PTPN13: variants seen among roughly 807,000 people sequenced by gnomAD.
The protein encoded by PTPN13 is protein tyrosine phosphatase non-receptor type 13, also known as tyrosine-protein phosphatase non-receptor type 13.
A neutral mutation model predicts 284.0 loss-of-function variants in PTPN13; 191 were observed. The observed-to-expected ratio is 0.67, with a 90% confidence interval of 0.60 to 0.76. PTPN13 has a LOEUF of 0.76. Ranked by LOEUF, PTPN13 falls within the 30% of genes least tolerant of loss-of-function variation. The pLI is 0.00. For missense variants in PTPN13, 2,797 were observed against 2,939.9 expected, an observed-to-expected ratio of 0.95 and a Z score of 1.12; for synonymous variants, 986 against 1,022.3, an observed-to-expected ratio of 0.96 and a Z score of 0.68.
At chr4:86,628,484 T>C (rs906910441) in intron 1 of PTPN13, among the ~76,000 whole-genome samples, 2 of 127,700 alleles carry the variant, frequency 1.6e-5, no homozygotes, top group African/African-American at 5.9e-5. Context: ...CCTTAGTTTG[T>C]GGTTCATTTT....
intron 1 of PTPN13, among the ~76,000 whole-genome samples, chr4:86,629,089 T>G (rs1263050967): frequency 6.6e-6 from 1 of 151,006 alleles, no homozygotes. Context: ...AAGCCAAAAT[T>G]GACAAATGGG....
At chr4:86,688,675 A>G (rs1335995490) in intron 4 of PTPN13, among the ~76,000 whole-genome samples, 1 of 152,060 alleles carries the variant, frequency 6.6e-6, no homozygotes, top group East Asian at 1.9e-4. Context: ...AATGGTGTGT[A>G]TGTTTGTGTG....
rs1737461040 is a variant in PTPN13 at position 86,752,110 on chromosome 4, A to G, written c.3167-899A>G. Among the ~76,000 whole-genome samples, 7 of 152,196 alleles carry G rather than the reference A, an allele frequency of 4.6e-5. No homozygotes were observed. In the South Asian group the frequency reaches 1.4e-3, roughly 31 times the overall value. On this transcript the variant is annotated intron_variant, in intron 19 of 47. Transcript: ENST00000411767. ...TTGAAAAGAATGGATGTTTAAGCAC[A>G]GAGATCTGAACTACTACTCAAAATA...
intron 7 of PTPN13, among the ~76,000 whole-genome samples, chr4:86,710,078 C>A (rs1197753815): frequency 6.6e-6 from 1 of 152,096 alleles, no homozygotes; most frequent in Admixed American, 6.6e-5. Context: ...TCGCTAATCT[C>A]CCAAAATTAT....
chr4:86,735,049 A>G (rs894661872), intron 14 of PTPN13, among the ~76,000 whole-genome samples, 174 bp downstream of exon 14: 2 of 151,160 alleles, frequency 1.3e-5, no homozygotes, highest in African/African-American at 4.8e-5. Flanking sequence ...TAAAATCATG[A>G]AGTGTGGGAT....
intron 23 of PTPN13, 89 bp downstream of exon 23, chr4:86,759,162 G>A (rs1738372194): frequency 2.2e-6 from 3 of 1,393,344 alleles, no homozygotes; most frequent in Admixed American, 4.7e-5. Context: ...TGGATTCATT[G>A]TGTACAAAAT....
intron 7 of PTPN13, among the ~76,000 whole-genome samples, chr4:86,707,692 C>T (rs1252659055): frequency 6.6e-6 from 1 of 151,826 alleles, no homozygotes; most frequent in African/African-American, 2.4e-5. Flanking sequence ...TTCTTTACTT[C>T]CCTTTGAATA....
intron 40 of PTPN13, among the ~76,000 whole-genome samples, chr4:86,796,010 C>T (rs1041520447): frequency 1.1e-4 from 16 of 152,096 alleles, no homozygotes; most frequent in African/African-American, 3.6e-4. Context: ...GCATGTTGTG[C>T]ACATGTACCC....
At chr4:86,620,802 A>G (rs1721141885) in intron 1 of PTPN13, among the ~76,000 whole-genome samples, 1 of 152,230 alleles carries the variant, frequency 6.6e-6, no homozygotes, top group Admixed American at 6.5e-5. Context: ...TAGCAGGTCT[A>G]ATTTCGGGCT....
chr4:86,689,892 G>A, intron 5 of PTPN13: 1 of 600,814 alleles, frequency 1.7e-6, no homozygotes, highest in Non-Finnish European at 3.0e-6. Context: ...CCTTAGGGTT[G>A]TAGTCCTGGA....
intron 36 of PTPN13, among the ~76,000 whole-genome samples, chr4:86,781,755 G>C (rs1443604602): frequency 6.6e-6 from 1 of 152,048 alleles, no homozygotes. Flanking sequence ...ACGAGGTCAG[G>C]AGATCAAGAC....
Position 86,814,667 on chromosome 4 carries a change from C to T in PTPN13, c.*116C>T, listed in dbSNP as rs1441823957. On this transcript the variant is annotated 3_prime_UTR_variant, in exon 48 of 48. Coordinates refer to ENST00000411767, the MANE Select transcript of PTPN13 (RefSeq NM_080683.3). ...CAAGTTCATACAACATGCATGTTCT[C>T]CTCTATCTTAGAGGGGTATTCTTCT... 8.1e-6 allele frequency: 6 copies of T among 736,668 alleles called. No individual in the cohort carries two copies. Among genetic ancestry groups the T allele is most frequent in the South Asian group, 3.8e-5 (2 of 52,060 alleles). The allele number at this position is 736,668 out of a possible 1,614,324, so 45.6% of individuals were successfully genotyped here.
At chr4:86,798,382 T>G (rs1214358784) in intron 41 of PTPN13, among the ~76,000 whole-genome samples, 2 of 152,204 alleles carry the variant, frequency 1.3e-5, no homozygotes, top group Non-Finnish European at 2.9e-5. Flanking sequence ...GCTGCCCTGT[T>G]GACATTTTGG....
Position 86,809,819 on chromosome 4 carries a change from C to T in PTPN13, c.7134C>T (p.Asp2378=), listed in dbSNP as rs1307188905. ...ISHLNFTAWP[D]HDTPSQPDDL... ...ATCTGAATTTCACTGCCTGGCCAGA[C>T]CATGATACACCTTCTCAACCAGATG... is the stretch of plus-strand genomic sequence containing the variant. The change falls in exon 46 of 48, where the codon GAC becomes GAT. Residue 2378 remains aspartate, a synonymous_variant. Coordinates refer to ENST00000411767, the MANE Select transcript of PTPN13 (RefSeq NM_080683.3). 1.9e-6 allele frequency: 3 copies of T among 1,614,038 alleles called. No homozygotes were observed. The highest frequency in any genetic ancestry group is 2.2e-5 in the South Asian group (2 of 91,078).
intron 5 of PTPN13, among the ~76,000 whole-genome samples, chr4:86,691,746 G>A (rs1431289586): frequency 2.6e-5 from 4 of 152,090 alleles, no homozygotes; most frequent in Admixed American, 2.6e-4. Context: ...AGACATAATT[G>A]GAACTGGGGT....
At chr4:86,714,959 A>T (rs1029678053) in intron 7 of PTPN13, among the ~76,000 whole-genome samples, 1 of 152,176 alleles carries the variant, frequency 6.6e-6, no homozygotes, top group African/African-American at 2.4e-5. Flanking sequence ...CTCAGCCTTT[A>T]TGTGGTCATA....
intron 30 of PTPN13, among the ~76,000 whole-genome samples, chr4:86,770,629 T>C (rs1440582715): frequency 6.6e-6 from 1 of 152,200 alleles, no homozygotes; most frequent in Non-Finnish European, 1.5e-5. Context: ...GAAACTCTCT[T>C]GATGAGCGTA....
intron 2 of PTPN13, among the ~76,000 whole-genome samples, chr4:86,668,743 C>A (rs1164382463): frequency 6.6e-6 from 1 of 150,894 alleles, no homozygotes; most frequent in African/African-American, 2.4e-5. Flanking sequence ...TTACAGGTAC[C>A]CACCACCACG....
At chr4:86,779,809 G>C (rs1382344099) in intron 35 of PTPN13, among the ~76,000 whole-genome samples, 4 of 151,970 alleles carry the variant, frequency 2.6e-5, no homozygotes, top group Admixed American at 2.6e-4. Context: ...TATCTTTTTG[G>C]CTGTTTTGTA....
Sources: gnomAD v4.1 joint callset for allele counts (sites outside exome capture counted in the v4.1 genomes callset) on GRCh38, gnomAD v4.1.1 for gene constraint, MANE v1.5 for transcripts, NCBI Gene and HGNC (gene_info 2026-07-23, HGNC 2026-07-21) for gene names.